Variants in ZNF557 observed in about 807,000 individuals in gnomAD.
ZNF557 encodes the protein zinc finger protein 557, also known as CTB-25J19.9.
A neutral mutation model predicts 21.2 loss-of-function variants in ZNF557; 19 were observed. The observed-to-expected ratio is 0.90, with a 90% CI of 0.63 to 1.32. The LOEUF is 1.32. Among genes scored for constraint, ZNF557 ranks in the 40% most tolerant of loss-of-function variants. ZNF557 has a pLI of 0.00. For synonymous variants in ZNF557, 207 were observed against 194.8 expected, an observed-to-expected ratio of 1.06 and a Z score of -0.52; for missense variants, 487 against 519.8, an observed-to-expected ratio of 0.94 and a Z score of 0.61.
chr19:7,076,350 TG>T (rs1285549751), intron 4 of ZNF557, 30 bp from the exon 5 acceptor site: 3 of 1,614,102 alleles, frequency 1.9e-6, no homozygotes, highest in Non-Finnish European at 2.5e-6. Context: ...GGGTGGTCCT[TG>T]GCTAAGCCGT....
rs1400983917 is a variant in ZNF557, at chr19:7,081,188, TGTGTGTGTGTGTGA to T, written c.248-167_248-154del. 9.0e-3 allele frequency among the ~76,000 whole-genome samples: 379 copies of T among 42,246 alleles called. 3 individuals carry two copies. The highest frequency in any genetic ancestry group is 0.036 in the African/African-American group (335 of 9,270). The allele number at this position is 42,246 out of a possible 152,430, so 27.7% of individuals were successfully genotyped here. On this transcript the variant is annotated intron_variant, in intron 5 of 7. Coordinates refer to ENST00000252840, the MANE Select transcript of ZNF557 (RefSeq NM_024341.3). Reference sequence around the variant, plus strand: ...GTGTGTGTGTGTGTGTGTGTGTGTGTGTGTGTGTGTGTGAGTGTTTAAGACGGTTGCTATATTTA... The same window carrying T: ...GTGTGTGTGTGTGTGTGTGTGTGTGTGTGTTTAAGACGGTTGCTATATTTA...
At chr19:7,073,023 G>A (rs892567604) in intron 2 of ZNF557, among the ~76,000 whole-genome samples, 1 of 152,166 alleles carries the variant, frequency 6.6e-6, no homozygotes, top group African/African-American at 2.4e-5. Flanking sequence ...CGACCCACCA[G>A]GGGCTCACCT....
rs1204385411 is a variant in ZNF557, at chr19:7,087,297, T to A, written c.*3553T>A. ...GGCTCACGCCTGTAATCCCACCACT[T>A]TGGGAGGCCAAGGCAGGCGGATCAC... On this transcript the variant is annotated 3_prime_UTR_variant, in exon 8 of 8. Coordinates refer to ENST00000252840, the MANE Select transcript of ZNF557 (RefSeq NM_024341.3). The A allele has an allele frequency of 7.1e-6, 1 of 141,146 alleles. No homozygotes were observed. Among genetic ancestry groups the A allele is most frequent in the Admixed American group, 7.6e-5 (1 of 13,218 alleles). 8.7% of individuals were successfully genotyped at this position (141,146 alleles called of 1,614,324 possible).
In ZNF557 at chr19:7,076,382, G is replaced by C; in HGVS notation, c.122G>C (p.Gly41Ala). The change falls in exon 5 of 8, where the codon GGC becomes GCC. Residue 41 changes from glycine to alanine, a missense_variant and splice_region_variant. By Grantham distance (60) the Gly-to-Ala change is moderately conservative. Transcript: ENST00000252840. ...VNELLKSWLK[G>A]LVTFEDVAVE... ...GCCGTGATGTTTGCAATGCTTTAGG[G>C]CTTGGTGACCTTTGAGGATGTGGCC... is the stretch of plus-strand genomic sequence containing the variant. The C allele has an allele frequency of 4.3e-6, 7 of 1,614,178 alleles. No individual in the cohort carries two copies. The highest frequency in any genetic ancestry group is 5.9e-6 in the Non-Finnish European group (7 of 1,180,044).
In ZNF557 at chr19:7,083,272, G is replaced by A. The variant is rs547272677; in HGVS notation, c.821G>A (p.Arg274His). ...TGTAACCAGTGTTTTCGTGAGTTCC[G>A]CACTCAGTCAATCTTCACAAGGCAC... The part of the protein sequence containing the change: ...YKCNQCFREF[R>H]TQSIFTRHKR... Residue 274 changes from arginine to histidine, a missense_variant, in exon 8 of 8, where the codon CGC (arginine) becomes CAC (histidine). Coordinates refer to ENST00000252840, the MANE Select transcript of ZNF557 (RefSeq NM_024341.3). The A allele has an allele frequency of 9.5e-5, 153 of 1,614,146 alleles. 1 individual carries two copies. The South Asian group carries it at 1.6e-3, about 17-fold the overall frequency.
chr19:7,083,070 C>A lies in ZNF557; in HGVS notation c.619C>A (p.Pro207Thr). 6.2e-7 allele frequency: 1 copy of A among 1,614,088 alleles called. No individual in the cohort carries two copies. Among genetic ancestry groups the A allele is most frequent in the Non-Finnish European group, 8.5e-7 (1 of 1,179,984 alleles). The change falls in exon 8 of 8, where the codon CCC becomes ACC. Residue 207 changes from proline to threonine, a missense_variant. Transcript: ENST00000252840. ...VHKRIHNGEK[P>T]YECNDCGKTF... is the part of the protein sequence containing the mutation. ...TAAGAGAATCCACAATGGGGAGAAA[C>A]CCTATGAATGCAATGACTGTGGGAA...
At chr19:7,076,587 A>G in intron 5 of ZNF557, 80 bp downstream of exon 5, 3 of 1,548,678 alleles carry the variant, frequency 1.9e-6, no homozygotes, top group Non-Finnish European at 2.6e-6. Flanking sequence ...TTGAGGTAAC[A>G]CAGGACACAA....
Position 7,075,701 on chromosome 19 carries a change from G to C in ZNF557, c.78G>C (p.Glu26Asp), listed in dbSNP as rs760851655. 3 of 1,613,738 alleles carry C rather than the reference G, an allele frequency of 1.9e-6. No homozygotes were observed. The highest frequency in any genetic ancestry group is 1.7e-6 in the Non-Finnish European group (2 of 1,179,714). Residue 26 changes from glutamate to aspartate, a missense_variant, in exon 4 of 8, where the codon GAG (glutamate) becomes GAC (aspartate). Transcript: ENST00000252840. ...FPASQREGHT[E>D]GGELVNELLK... Reference sequence around the variant, plus strand: ...CCTCTCAGCGAGAAGGACACACAGAGGGCGGAGAGCTGGTTAATGAGCTCC... The same window carrying C: ...CCTCTCAGCGAGAAGGACACACAGACGGCGGAGAGCTGGTTAATGAGCTCC...
At chr19:7,073,764 G>A (rs1361069911) in intron 2 of ZNF557, among the ~76,000 whole-genome samples, 1 of 152,120 alleles carries the variant, frequency 6.6e-6, no homozygotes, top group African/African-American at 2.4e-5. Context: ...TGGGGGTATG[G>A]GGGTCACCCA....
chr19:7,082,921 G>T lies in ZNF557; in HGVS notation c.470G>T (p.Cys157Phe), dbSNP rs769222051. The change falls in exon 8 of 8, where the codon TGT (cysteine) becomes TTT (phenylalanine). Residue 157 changes from cysteine (C) to phenylalanine (F), a missense_variant. Transcript: ENST00000252840. Reference protein sequence around the residue: ...LGATLNECNQCFKVFSTKSSL... With the variant: ...LGATLNECNQFFKVFSTKSSL... ...GCAACACTCAACGAATGTAATCAGT[G>T]TTTTAAAGTCTTCAGCACAAAATCT... 6.8e-6 allele frequency: 11 copies of T among 1,609,778 alleles called. No individual in the cohort carries two copies. The African/African-American group carries it at 1.5e-4, about 22-fold the overall frequency.
rs1307744629 is a variant in ZNF557 at position 7,075,566 on chromosome 19, G to T, written c.32-89G>T. ...GTGACTGTGTATGCATGGGGACCTG[G>T]TCGATCGCAGGCAGGTGGGGAAGCC... On this transcript the variant is annotated intron_variant, in intron 3 of 7. Coordinates refer to ENST00000252840, the MANE Select transcript of ZNF557 (RefSeq NM_024341.3). 6.1e-6 allele frequency: 8 copies of T among 1,317,356 alleles called. No individual in the cohort carries two copies. The South Asian group carries it at 7.6e-5, about 13-fold the overall frequency. The allele number at this position is 1,317,356 out of a possible 1,614,324, so 81.6% of individuals were successfully genotyped here. A position where few individuals can be genotyped will look rare whatever the true frequency, so the allele number is the denominator to read the frequency against.
chr19:7,081,896 A>G (rs1977714721), intron 6 of ZNF557, 74 bp from the exon 7 acceptor site: 1 of 1,164,240 alleles, frequency 8.6e-7, no homozygotes, highest in South Asian at 1.2e-5. Flanking sequence ...TCACGTATGC[A>G]TTTTACTATT....
At chr19:7,073,139 GT>G (rs1223246978) in intron 2 of ZNF557, among the ~76,000 whole-genome samples, 2 of 98,326 alleles carry the variant, frequency 2.0e-5, no homozygotes, top group Non-Finnish European at 4.2e-5. Context: ...ACAGATATTT[GT>G]TTTTTTGGTT....
rs533717245 is a variant in ZNF557 at position 7,074,361 on chromosome 19, CCTT to C, written c.-79-631_-79-629del. ...ACACACACACACACACACACACAGCCCTTCTTTTCTCATAAAAAAGGAAACATT... is the reference window on the plus strand; with the variant it reads ...ACACACACACACACACACACACAGCCCTTTTCTCATAAAAAAGGAAACATT... On this transcript the variant is annotated intron_variant, in intron 2 of 7. Transcript: ENST00000252840. Among the ~76,000 whole-genome samples the C allele has an allele frequency of 8.1e-4, 123 of 151,714 alleles. 1 individual carries two copies. Among genetic ancestry groups the C allele is most frequent in the Admixed American group, 1.8e-3 (27 of 15,210 alleles).
At position 7,083,328 on chromosome 19, in the gene ZNF557, GT is replaced by G; in HGVS notation, c.878del (p.Val293AspfsTer43). On this transcript the variant is annotated frameshift_variant, in exon 8 of 8. Coordinates refer to ENST00000252840, the MANE Select transcript of ZNF557 (RefSeq NM_024341.3). LOFTEE classifies it low-confidence loss of function (END_TRUNC). ...AGTTCATACGGGGGAGGGTCATTAT[GT>G]ATGTAATCAGTGTGGAAAGGCTTTC... ...KRVHTGEGHY[V>X]CNQCGKAFGT... The G allele has an allele frequency of 1.2e-6, 2 of 1,614,200 alleles. No homozygotes were observed. The highest frequency in any genetic ancestry group is 2.2e-5 in the South Asian group (2 of 91,086).
chr19:7,079,435 G>T (rs62124466), intron 5 of ZNF557, among the ~76,000 whole-genome samples: 6 of 151,366 alleles, frequency 4.0e-5, no homozygotes, highest in Admixed American at 1.3e-4. Context: ...TAGAGACAGG[G>T]TTCACCGTGT....
intron 3 of ZNF557, 149 bp downstream of exon 3, chr19:7,075,254 T>C (rs1170279049): frequency 9.9e-7 from 1 of 1,011,740 alleles, no homozygotes; most frequent in African/African-American, 1.6e-5. Flanking sequence ...CGGGCGGCTC[T>C]TGGGACTTGG....
chr19:7,077,987 G>A (rs1415837826), intron 5 of ZNF557, among the ~76,000 whole-genome samples: 1 of 147,330 alleles, frequency 6.8e-6, no homozygotes, highest in African/African-American at 2.4e-5. Context: ...TTTTCCATTT[G>A]GGGGGCATTG....
chr19:7,086,258 A>G lies in ZNF557; in HGVS notation c.*2514A>G, dbSNP rs912028402. ...AAAAAAAAAAATCAGACAATATTTG[A>G]TATATTTTTTTCTAATTTAATAGTA... On this transcript the variant is annotated 3_prime_UTR_variant, in exon 8 of 8. Transcript: ENST00000252840. The G allele has an allele frequency of 7.1e-6, 1 of 140,300 alleles. No individual in the cohort carries two copies. The highest frequency in any genetic ancestry group is 1.5e-5 in the Non-Finnish European group (1 of 64,668). 8.7% of individuals were successfully genotyped at this position (140,300 alleles called of 1,614,324 possible).
Sources: allele counts gnomAD v4.1 joint callset (sites outside exome capture counted in the v4.1 genomes callset), GRCh38; gene constraint gnomAD v4.1.1; transcripts MANE v1.5; gene names NCBI Gene and HGNC (gene_info 2026-07-23, HGNC 2026-07-21).